The following OAS3 variants were observed in gnomAD, a reference collection of about 807,000 sequenced individuals.
OAS3 encodes the protein 2'-5'-oligoadenylate synthase 3.
In OAS3, 107 loss-of-function variants were observed where a neutral mutation model predicts 113.0. The ratio of observed to expected loss-of-function variants is 0.95; its 90% CI spans 0.81 to 1.11. The LOEUF (loss-of-function observed/expected upper bound fraction) is 1.11, where lower values mean the gene tolerates loss of function less well. OAS3 is among the 50% of genes most tolerant of loss of function. OAS3 has a pLI of 0.00. For missense variants in OAS3, 1,258 were observed against 1,389.1 expected (o/e 0.91, Z 1.50); for synonymous variants, 552 against 573.6 (o/e 0.96, Z 0.54).
Position 112,954,281 on chromosome 12 carries a change from T to TTTGTTGTTGTTG in OAS3, c.1657+3321_1657+3332dup, listed in dbSNP as rs71445586. ...CATTTCTTGTTTGTCTGTTTGTTTGTTTGTTGTTGTTGTTGTTGTTGTTGT... is the reference window on the plus strand; with the variant it reads ...CATTTCTTGTTTGTCTGTTTGTTTGTTTGTTGTTGTTGTTGTTGTTGTTGTTGTTGTTGTTGT... On this transcript the variant is annotated intron_variant, in intron 7 of 15. Coordinates refer to ENST00000228928, the MANE Select transcript of OAS3 (RefSeq NM_006187.4). The surrounding 1 kb of genome is among the most constrained non-coding windows in gnomAD (Gnocchi z 4.0). 1.5e-3 allele frequency among the ~76,000 whole-genome samples: 227 copies of TTTGTTGTTGTTG among 151,518 alleles called. No homozygotes were observed. The highest frequency in any genetic ancestry group is 2.1e-3 in the Non-Finnish European group (141 of 67,838).
At chr12:112,955,867 G>T in intron 7 of OAS3, among the ~76,000 whole-genome samples, 1 of 152,200 alleles carries the variant, frequency 6.6e-6, no homozygotes, top group Non-Finnish European at 1.5e-5. Flanking sequence ...AGTTATGGAG[G>T]ATTCCCTCTT....
At chr12:112,939,785 G>A (rs1195106175) in intron 1 of OAS3, among the ~76,000 whole-genome samples, 1 of 152,160 alleles carries the variant, frequency 6.6e-6, no homozygotes, top group South Asian at 2.1e-4. Flanking sequence ...TAGATTTGGG[G>A]GTGCCAGGAG....
At position 112,965,849 on chromosome 12, in the gene OAS3, GCCGAGATCATCT is replaced by G; in HGVS notation, c.2518_2529del (p.Ile840_Ile843del). The G allele has an allele frequency of 6.2e-7, 1 of 1,613,790 alleles. No individual in the cohort carries two copies. Among genetic ancestry groups the G allele is most frequent in the Non-Finnish European group, 8.5e-7 (1 of 1,179,820 alleles). On this transcript the variant is annotated inframe_deletion, in exon 12 of 16. Coordinates refer to ENST00000228928, the MANE Select transcript of OAS3 (RefSeq NM_006187.4). ...GTTCACTGAGCAGGGCAACAAGCGG[GCCGAGATCATCT>G]CCGAGATCCGAGCCCAGCTGGAGGC...
chr12:112,958,451 C>T (rs960001885), intron 7 of OAS3, among the ~76,000 whole-genome samples: 1 of 152,240 alleles, frequency 6.6e-6, no homozygotes, highest in African/African-American at 2.4e-5. Flanking sequence ...CTTTTCTGCT[C>T]TGGTTGCCCC....
intron 7 of OAS3, among the ~76,000 whole-genome samples, chr12:112,959,121 C>T (rs1005026763): frequency 4.6e-5 from 7 of 152,314 alleles, no homozygotes; most frequent in South Asian, 2.1e-4. Context: ...AATGAGGCTC[C>T]GTGGGCGTGT....
In OAS3 at chr12:112,970,077, T is replaced by TGTGTGTGTGAGCACATGTGTGC; in HGVS notation, c.*105_*126dup. Reference sequence around the variant, plus strand: ...TACCAGATGAGAGAGATTGTGTACATGTGTGTGTGAGCACATGTGTGCATG... The same window carrying TGTGTGTGTGAGCACATGTGTGC: ...TACCAGATGAGAGAGATTGTGTACATGTGTGTGTGAGCACATGTGTGCGTGTGTGTGAGCACATGTGTGCATG... On this transcript the variant is annotated 3_prime_UTR_variant, in exon 16 of 16. Transcript: ENST00000228928. 1 of 1,324,188 alleles carries TGTGTGTGTGAGCACATGTGTGC rather than the reference T, an allele frequency of 7.6e-7. No homozygotes were observed. Among genetic ancestry groups the TGTGTGTGTGAGCACATGTGTGC allele is most frequent in the Non-Finnish European group, 1.1e-6 (1 of 936,560 alleles). 82.0% of individuals were successfully genotyped at this position (1,324,188 alleles called of 1,614,324 possible). A position where few individuals can be genotyped will look rare whatever the true frequency, so the allele number is the denominator to read the frequency against.
intron 11 of OAS3, among the ~76,000 whole-genome samples, chr12:112,964,690 A>G (rs2043918975): frequency 6.6e-6 from 1 of 152,046 alleles, no homozygotes; most frequent in African/African-American, 2.4e-5. Context: ...TTACCGGCAT[A>G]GCTAGATCCA....
intron 3 of OAS3, 116 bp downstream of exon 3, chr12:112,944,767 T>C: frequency 9.3e-7 from 1 of 1,073,922 alleles, no homozygotes; most frequent in Non-Finnish European, 1.4e-6. Flanking sequence ...CTGGGAATTG[T>C]CTGTTTATGT....
intron 2 of OAS3, 151 bp downstream of exon 2, chr12:112,942,003 T>C: frequency 1.1e-6 from 1 of 924,358 alleles, no homozygotes; most frequent in Non-Finnish European, 1.7e-6. Context: ...CTAAACATAT[T>C]GGACTTGTGC....
rs542852368 is a variant in OAS3 at position 112,941,682 on chromosome 12, T to A, written c.290T>A (p.Ile97Asn). The A allele has an allele frequency of 2.3e-5, 37 of 1,613,892 alleles. No homozygotes were observed. Among genetic ancestry groups the A allele is most frequent in the Non-Finnish European group, 3.1e-5 (36 of 1,179,906 alleles). ...YVDQRARRAE[I>N]LSEMRASLES... The stretch of plus-strand genomic sequence containing the variant: ...GACCAGAGGGCCCGCCGTGCAGAGA[T>A]CCTCAGTGAGATGCGGGCATCGCTG... The change falls in exon 2 of 16, where the codon ATC (isoleucine) becomes AAC (asparagine). Residue 97 changes from isoleucine (I) to asparagine (N), a missense_variant. Coordinates refer to ENST00000228928, the MANE Select transcript of OAS3 (RefSeq NM_006187.4).
intron 2 of OAS3, among the ~76,000 whole-genome samples, chr12:112,942,869 G>A (rs1346198606): frequency 5.3e-5 from 8 of 151,166 alleles, no homozygotes; most frequent in African/African-American, 1.2e-4. Flanking sequence ...TATCCTTTGG[G>A]CAGATAGCCA....
At position 112,963,014 on chromosome 12, in the gene OAS3, C is replaced by G. The variant is rs1013624094; in HGVS notation, c.2084+112C>G. ...GGTAGGGTTTGGGGTGGCAATCCCA[C>G]TCCTCACTCTGCTTCCCTCTGGACT... On this transcript the variant is annotated intron_variant, in intron 9 of 15. Coordinates refer to ENST00000228928, the MANE Select transcript of OAS3 (RefSeq NM_006187.4). The surrounding 1 kb of genome is among the most constrained non-coding windows in gnomAD (Gnocchi z 4.6). 7.0e-7 allele frequency: 1 copy of G among 1,424,370 alleles called. No individual in the cohort carries two copies. Among genetic ancestry groups the G allele is most frequent in the East Asian group, 2.5e-5 (1 of 40,808 alleles). The allele number at this position is 1,424,370 out of a possible 1,614,324, so 88.2% of individuals were successfully genotyped here. A position where few individuals can be genotyped will look rare whatever the true frequency, so the allele number is the denominator to read the frequency against.
At chr12:112,939,899 C>T (rs908530814) in intron 1 of OAS3, among the ~76,000 whole-genome samples, 2 of 152,112 alleles carry the variant, frequency 1.3e-5, no homozygotes, top group Non-Finnish European at 2.9e-5. Context: ...TTTCCTGGGG[C>T]TGACTCTCAG....
At position 112,961,082 on chromosome 12, in the gene OAS3, T is replaced by C. The variant is rs777744510; in HGVS notation, c.1669T>C (p.Ser557Pro). 6.2e-7 allele frequency: 1 copy of C among 1,613,498 alleles called. No individual in the cohort carries two copies. The highest frequency in any genetic ancestry group is 8.5e-7 in the Non-Finnish European group (1 of 1,179,720). ...TCAAACTTCTACAGGGCAGCTCAGT[T>C]CTGGCACCAAACCAAATCCCCAGGT... ...PAFDAVGQLS[S>P]GTKPNPQVYS... Residue 557 changes from serine (S) to proline (P), a missense_variant, in exon 8 of 16, where the codon TCT becomes CCT. Transcript: ENST00000228928.
At chr12:112,956,150 G>A (rs1478095168) in intron 7 of OAS3, among the ~76,000 whole-genome samples, 1 of 152,128 alleles carries the variant, frequency 6.6e-6, no homozygotes, top group Non-Finnish European at 1.5e-5. Flanking sequence ...TTCTCTGATG[G>A]TAGTTTGTAT....
In OAS3 at chr12:112,941,634, T is replaced by C. The variant is rs369869881; in HGVS notation, c.242T>C (p.Leu81Pro). Reference sequence around the variant, plus strand: ...TGTGATTCTGAACTTGTCATCTTCCTCGACTGCTTCAAGAGCTATGTGGAC... The same window carrying C: ...TGTGATTCTGAACTTGTCATCTTCCCCGACTGCTTCAAGAGCTATGTGGAC... Reference protein sequence around the residue: ...GGCDSELVIFLDCFKSYVDQR... With the variant: ...GGCDSELVIFPDCFKSYVDQR... Residue 81 changes from leucine (L) to proline (P), a missense_variant, in exon 2 of 16, where the codon CTC becomes CCC. Transcript: ENST00000228928. 5 of 1,613,896 alleles carry C rather than the reference T, an allele frequency of 3.1e-6. No individual in the cohort carries two copies. The highest frequency in any genetic ancestry group is 4.2e-6 in the Non-Finnish European group (5 of 1,179,894).
chr12:112,943,186 C>G (rs2043695537), intron 2 of OAS3, among the ~76,000 whole-genome samples: 1 of 152,138 alleles, frequency 6.6e-6, no homozygotes, highest in Non-Finnish European at 1.5e-5. Flanking sequence ...CCACCTGCCT[C>G]AGCCTCCCAA....
At position 112,950,986 on chromosome 12, in the gene OAS3, C is replaced by T. The variant is rs2043786690; in HGVS notation, c.1657+11C>T. 3 of 1,609,640 alleles carry T rather than the reference C, an allele frequency of 1.9e-6. No individual in the cohort carries two copies. The highest frequency in any genetic ancestry group is 2.5e-6 in the Non-Finnish European group (3 of 1,177,894). On this transcript the variant is annotated intron_variant, in intron 7 of 15. Transcript: ENST00000228928. Reference sequence around the variant, plus strand: ...CCTTCGATGCTGTGGGTGAGGGCGCCCAGCCTGTCCCTTGGAGAGTGATAG... The same window carrying T: ...CCTTCGATGCTGTGGGTGAGGGCGCTCAGCCTGTCCCTTGGAGAGTGATAG...
At chr12:112,962,380 C>A (rs2043894941) in intron 8 of OAS3, among the ~76,000 whole-genome samples, 1 of 152,188 alleles carries the variant, frequency 6.6e-6, no homozygotes, top group South Asian at 2.1e-4. Context: ...ATTAGAGTTA[C>A]ACACTCAAGA....
Sources: allele counts gnomAD v4.1 joint callset (sites outside exome capture counted in the v4.1 genomes callset), GRCh38; gene constraint gnomAD v4.1.1; non-coding constraint Gnocchi (gnomAD v3.1); transcripts MANE v1.5; gene names NCBI Gene and HGNC (gene_info 2026-07-23, HGNC 2026-07-21).